The following ABCC9 variants were observed in gnomAD, a reference collection of about 807,000 sequenced individuals.
The protein encoded by ABCC9 is ATP-binding cassette sub-family C member 9.
A neutral mutation model predicts 188.3 loss-of-function variants in ABCC9; 95 were observed. That is an observed-to-expected ratio of 0.50 (90% CI 0.43 to 0.60). The LOEUF is 0.60. ABCC9 is among the 20% of genes least tolerant of loss of function. The pLI, the probability that ABCC9 is intolerant of heterozygous loss-of-function variation, is 0.00. For synonymous variants in ABCC9, 659 were observed against 652.7 expected, an observed-to-expected ratio of 1.01 and a Z score of -0.15; for missense variants, 1,102 against 1,876.3, an observed-to-expected ratio of 0.59 and a Z score of 7.62.
chr12:21,879,832 G>C (rs1031176332), intron 16 of ABCC9, among the ~76,000 whole-genome samples: 1 of 151,484 alleles, frequency 6.6e-6, no homozygotes, highest in African/African-American at 2.4e-5. Flanking sequence ...TTCCCCCAAG[G>C]GTCCAAGTAT....
At chr12:21,917,220 C>A in intron 5 of ABCC9, 117 bp from the exon 6 acceptor site, 1 of 1,064,550 alleles carries the variant, frequency 9.4e-7, no homozygotes. Flanking sequence ...TATATTTCCA[C>A]ATGGTTTTAC....
At chr12:21,896,099 AC>A (rs1565458177) in intron 12 of ABCC9, among the ~76,000 whole-genome samples, 2 of 128,050 alleles carry the variant, frequency 1.6e-5, no homozygotes, top group Non-Finnish European at 3.3e-5. Context: ...TTTTTTTTTT[AC>A]TTTTCTTTTT....
intron 30 of ABCC9, among the ~76,000 whole-genome samples, chr12:21,837,198 T>C (rs143303169): frequency 1.3e-5 from 2 of 152,268 alleles, no homozygotes; most frequent in Non-Finnish European, 2.9e-5. Context: ...TTTTGACATC[T>C]CCAATAAAAG....
intron 12 of ABCC9, among the ~76,000 whole-genome samples, chr12:21,900,706 A>G (rs562181560): frequency 2.0e-5 from 3 of 152,230 alleles, no homozygotes; most frequent in Non-Finnish European, 4.4e-5. Context: ...AGGAAAGGAT[A>G]TCAGTGATGG....
chr12:21,862,294 A>G (rs150945385), intron 20 of ABCC9, among the ~76,000 whole-genome samples: 11 of 152,146 alleles, frequency 7.2e-5, no homozygotes, highest in South Asian at 2.1e-4. Flanking sequence ...AGGCCCCCCA[A>G]CTATCTGGTC....
intron 30 of ABCC9, among the ~76,000 whole-genome samples, chr12:21,833,054 T>A (rs1943865100): frequency 6.6e-6 from 1 of 152,138 alleles, no homozygotes; most frequent in Non-Finnish European, 1.5e-5. Context: ...TTCTCATTTA[T>A]AAGTGGGAGC....
intron 30 of ABCC9, among the ~76,000 whole-genome samples, chr12:21,829,494 C>G (rs960933471): frequency 6.6e-6 from 1 of 152,152 alleles, no homozygotes; most frequent in African/African-American, 2.4e-5. Context: ...TGCCACCGCA[C>G]CCGGCCCAGT....
chr12:21,837,512 A>C (rs1944163528), intron 30 of ABCC9, among the ~76,000 whole-genome samples: 1 of 152,216 alleles, frequency 6.6e-6, no homozygotes, highest in East Asian at 1.9e-4. Context: ...TGACTTGAAT[A>C]GGAAAATTGG....
intron 14 of ABCC9, among the ~76,000 whole-genome samples, chr12:21,893,477 T>C (rs1186315201): frequency 6.6e-6 from 1 of 152,140 alleles, no homozygotes; most frequent in Admixed American, 6.5e-5. Flanking sequence ...TTTTTAAAAA[T>C]CTTAAAAATG....
chr12:21,897,004 TCCACAATGGTTGA>T (rs1487418417), intron 12 of ABCC9, among the ~76,000 whole-genome samples: 1 of 152,230 alleles, frequency 6.6e-6, no homozygotes, highest in Non-Finnish European at 1.5e-5. Flanking sequence ...ACACTGGTCT[TCCACAATGGTTGA>T]ACTAATTTAC....
At chr12:21,930,299 A>G (rs1949229834) in intron 4 of ABCC9, among the ~76,000 whole-genome samples, 1 of 152,178 alleles carries the variant, frequency 6.6e-6, no homozygotes, top group Admixed American at 6.5e-5. Flanking sequence ...ATGGGACCAT[A>G]GAATTCTTCT....
chr12:21,819,462 A>C (rs1352194974), intron 31 of ABCC9, among the ~76,000 whole-genome samples: 2 of 152,222 alleles, frequency 1.3e-5, no homozygotes, highest in Non-Finnish European at 2.9e-5. Context: ...TCGAAAGATC[A>C]AACTGTTGGA....
chr12:21,928,115 G>A (rs1949112355), intron 4 of ABCC9, among the ~76,000 whole-genome samples: 2 of 151,910 alleles, frequency 1.3e-5, no homozygotes, highest in East Asian at 3.9e-4. Flanking sequence ...AGCTACTTGG[G>A]GGACTGAGGC....
intron 5 of ABCC9, among the ~76,000 whole-genome samples, chr12:21,918,789 G>A (rs756108592): frequency 2.6e-5 from 4 of 152,048 alleles, no homozygotes; most frequent in Non-Finnish European, 5.9e-5. Flanking sequence ...CAGTCTAGTG[G>A]CTAGAACCCA....
chr12:21,833,563 T>C (rs1943895754), intron 30 of ABCC9, among the ~76,000 whole-genome samples: 1 of 152,096 alleles, frequency 6.6e-6, no homozygotes, highest in South Asian at 2.1e-4. Context: ...TTCTAAATCT[T>C]CCTCATTCCC....
chr12:21,883,867 T>C (rs1946751600), intron 15 of ABCC9, among the ~76,000 whole-genome samples: 1 of 152,084 alleles, frequency 6.6e-6, no homozygotes, highest in African/African-American at 2.4e-5. Context: ...GCCAGCTGAG[T>C]TGTGACAGTC....
chr12:21,815,921 G>T (rs1323488430), intron 33 of ABCC9, 28 bp from the exon 34 acceptor site: 2 of 1,595,604 alleles, frequency 1.3e-6, no homozygotes, highest in Non-Finnish European at 1.7e-6. Context: ...GAAATAGACA[G>T]ATAATAGGCA....
intron 31 of ABCC9, chr12:21,827,386 C>T: frequency 3.5e-6 from 3 of 859,300 alleles, no homozygotes; most frequent in Non-Finnish European, 4.2e-6. Context: ...CCCTAAAAGA[C>T]ATACTTGATC....
At position 21,800,975 on chromosome 12, in the gene ABCC9, A is replaced by G. The variant is rs1941398808; in HGVS notation, c.*69T>C. 1.3e-6 allele frequency: 2 copies of G among 1,585,928 alleles called. No homozygotes were observed. The highest frequency in any genetic ancestry group is 1.7e-6 in the Non-Finnish European group (2 of 1,158,996). On this transcript the variant is annotated 3_prime_UTR_variant, in exon 40 of 40. Coordinates refer to ENST00000261200, the MANE Select transcript of ABCC9 (RefSeq NM_020297.4). ...TTAAGATGCCACTTTACAGAGGTCA[A>G]GCTGATGATCCATTAATTAGGTTAT...
Sources: gnomAD v4.1 joint callset for allele counts (sites outside exome capture counted in the v4.1 genomes callset) on GRCh38, gnomAD v4.1.1 for gene constraint, MANE v1.5 for transcripts, NCBI Gene and HGNC (gene_info 2026-07-23, HGNC 2026-07-21) for gene names.